The following C5 variants were observed in gnomAD, a reference collection of about 807,000 sequenced individuals.
C5 encodes the protein C3 and PZP-like alpha-2-macroglobulin domain-containing protein 4.
Under a neutral mutation model 218.8 loss-of-function variants are expected in C5, and 140 were observed. The observed-to-expected ratio is 0.64, with a 90% CI of 0.56 to 0.74. The LOEUF (loss-of-function observed/expected upper bound fraction) is 0.74. Ranked by LOEUF, C5 falls within the 30% of genes least tolerant of loss-of-function variation. The pLI is 0.00. For missense variants in C5, 1,700 were observed against 1,969.6 expected, an observed-to-expected ratio of 0.86 and a Z score of 2.59; for synonymous variants, 614 against 682.3, an observed-to-expected ratio of 0.90 and a Z score of 1.56.
the C5 span, among the ~76,000 whole-genome samples, chr9:121,065,605 C>T: frequency 0.011 from 1,647 of 152,282 alleles, 34 homozygotes; most frequent in African/African-American, 0.038. Context: ...CCCAACTCAG[C>T]CTCCAGAGTA....
intron 4 of C5, among the ~76,000 whole-genome samples, chr9:121,036,359 G>C (rs528631597): frequency 6.6e-6 from 1 of 152,098 alleles, no homozygotes; most frequent in South Asian, 2.1e-4. Context: ...TTTTCTTCCT[G>C]GGGCAGCTCT....
chr9:120,985,334 T>G (rs553172203), intron 25 of C5, among the ~76,000 whole-genome samples: 2 of 152,350 alleles, frequency 1.3e-5, no homozygotes, highest in East Asian at 3.9e-4. Flanking sequence ...CAGTAGGGTC[T>G]GGGACTAAAA....
upstream of C5, among the ~76,000 whole-genome samples, chr9:121,052,132 T>G (rs572848650): frequency 6.6e-6 from 1 of 152,222 alleles, no homozygotes; most frequent in Admixed American, 6.5e-5. Context: ...TAGTCAAAAT[T>G]TTTTATCTAC....
intron 7 of C5, among the ~76,000 whole-genome samples, chr9:121,028,779 T>C (rs2047448112): frequency 1.3e-5 from 2 of 152,188 alleles, no homozygotes; most frequent in Admixed American, 1.3e-4. Context: ...ACATGGCACA[T>C]GTATACCTAT....
At position 121,021,671 on chromosome 9, in the gene C5, G is replaced by A. The variant is rs2047366898; in HGVS notation, c.1140C>T (p.Asp380=). The change falls in exon 11 of 41, where the codon GAC becomes GAT. Residue 380 remains aspartate, a synonymous_variant. Transcript: ENST00000223642. ...PIKVQVKDSL[D]QLVGGVPVTL... is the part of the protein sequence containing the mutation. ...TTACTGGGACTCCTCCTACCAACTG[G>A]TCAAGCGAATCTTTAACCTGCACCT... 1 of 1,613,766 alleles carries A rather than the reference G, an allele frequency of 6.2e-7. No individual in the cohort carries two copies.
chr9:121,066,876 AC>A, the C5 span, among the ~76,000 whole-genome samples: 22 of 150,386 alleles, frequency 1.5e-4, no homozygotes, highest in Non-Finnish European at 2.8e-4. Context: ...AAAAAAAAAA[AC>A]AAAAACACAT....
At chr9:120,985,410 T>C (rs1476230529) in intron 25 of C5, among the ~76,000 whole-genome samples, 2 of 152,182 alleles carry the variant, frequency 1.3e-5, no homozygotes, top group Non-Finnish European at 2.9e-5. Flanking sequence ...GATGAAACTG[T>C]AAATATGCAT....
chr9:121,048,416 T>C (rs780137116), intron 1 of C5, among the ~76,000 whole-genome samples: 1 of 152,240 alleles, frequency 6.6e-6, no homozygotes, highest in Non-Finnish European at 1.5e-5. Flanking sequence ...AACTCTATTG[T>C]GAACCGCACA....
Position 121,005,924 on chromosome 9 carries a change from T to C in C5, c.2557A>G (p.Met853Val). ...GTVYNYRTSGMQFCVKMSAVE... is the reference protein window; with the variant it reads ...GTVYNYRTSGVQFCVKMSAVE... ...AAATATTAACACCTACTTACCTGCATCCCAGAAGTCCTATAGTTGTAAACA... is the reference window on the plus strand; with the variant it reads ...AAATATTAACACCTACTTACCTGCACCCCAGAAGTCCTATAGTTGTAAACA... The change falls in exon 20 of 41, where the codon ATG becomes GTG. Residue 853 changes from methionine (M) to valine (V), a missense_variant. Physicochemically the swap from Met to Val is conservative, Grantham distance 21. Transcript: ENST00000223642. 6.2e-7 allele frequency: 1 copy of C among 1,613,514 alleles called. No homozygotes were observed. Among genetic ancestry groups the C allele is most frequent in the Non-Finnish European group, 8.5e-7 (1 of 1,179,614 alleles).
At chr9:121,053,138 G>T (rs2047681160), upstream of C5, among the ~76,000 whole-genome samples, 1 of 152,150 alleles carries the variant, frequency 6.6e-6, no homozygotes, top group Non-Finnish European at 1.5e-5. Context: ...ATGTCCAGAG[G>T]CCAGTGGAGA....
At chr9:121,030,253 G>T in intron 7 of C5, 144 bp downstream of exon 7, 1 of 572,220 alleles carries the variant, frequency 1.7e-6, no homozygotes, top group Non-Finnish European at 3.2e-6. Context: ...CTACCAGCAT[G>T]ATGTCTCCTT....
chr9:120,996,028 AG>A lies in C5; in HGVS notation c.2851+211del, dbSNP rs1450627189. On this transcript the variant is annotated intron_variant, in intron 22 of 40. Coordinates refer to ENST00000223642, the MANE Select transcript of C5 (RefSeq NM_001735.3). ...GAGGTAGGGTTTCACTATGTTGGCCAGGCTGGTCTCGAACTCCTGACCTCAA... is the reference window on the plus strand; with the variant it reads ...GAGGTAGGGTTTCACTATGTTGGCCAGCTGGTCTCGAACTCCTGACCTCAA... 3.9e-5 allele frequency among the ~76,000 whole-genome samples: 6 copies of A among 152,236 alleles called. No homozygotes were observed. The East Asian group carries it at 1.2e-3, about 29-fold the overall frequency.
At chr9:121,044,438 T>G (rs1374720074) in intron 2 of C5, among the ~76,000 whole-genome samples, 1 of 152,100 alleles carries the variant, frequency 6.6e-6, no homozygotes, top group Non-Finnish European at 1.5e-5. Context: ...ATTACACCAC[T>G]GTCTTCCAGC....
the C5 span, among the ~76,000 whole-genome samples, chr9:121,061,312 C>T: frequency 6.6e-6 from 1 of 152,186 alleles, no homozygotes; most frequent in East Asian, 1.9e-4. Flanking sequence ...AGGAAAAATG[C>T]TGTTAAGGTA....
chr9:121,049,694 T>C (rs572482536), intron 1 of C5, among the ~76,000 whole-genome samples: 26 of 152,200 alleles, frequency 1.7e-4, no homozygotes, highest in Non-Finnish European at 3.2e-4. Flanking sequence ...TTTAAAACAT[T>C]ACTTAAAATG....
At chr9:121,010,433 G>A (rs1300391191) in intron 17 of C5, among the ~76,000 whole-genome samples, 1 of 151,948 alleles carries the variant, frequency 6.6e-6, no homozygotes. Context: ...AACCAAAGAA[G>A]TAAAAGATTT....
At chr9:120,989,833 G>T in intron 23 of C5, 53 bp from the exon 24 acceptor site, 1 of 1,388,572 alleles carries the variant, frequency 7.2e-7, no homozygotes, top group Non-Finnish European at 1.0e-6. Context: ...ACTTCTAACA[G>T]TATGTTCTCA....
intron 22 of C5, among the ~76,000 whole-genome samples, chr9:120,992,814 C>T (rs1447698401): frequency 6.6e-6 from 1 of 152,060 alleles, no homozygotes; most frequent in African/African-American, 2.4e-5. Context: ...TAGAGAAAGA[C>T]CTCTTAAAGA....
At chr9:121,035,895 A>G (rs2047520029) in intron 4 of C5, among the ~76,000 whole-genome samples, 1 of 152,024 alleles carries the variant, frequency 6.6e-6, no homozygotes, top group Non-Finnish European at 1.5e-5. Flanking sequence ...AAAAATGTTT[A>G]AAGAGTTAGC....
Sources: allele counts gnomAD v4.1 joint callset (sites outside exome capture counted in the v4.1 genomes callset), GRCh38; gene constraint gnomAD v4.1.1; transcripts MANE v1.5; gene names NCBI Gene and HGNC (gene_info 2026-07-23, HGNC 2026-07-21).